The following UBAC1 variants were observed in gnomAD, a reference collection of about 807,000 sequenced individuals.
UBAC1 encodes the protein UBA domain containing 1.
UBAC1 carries 27 observed loss-of-function variants against 45.9 expected under a neutral mutation model. The ratio of observed to expected loss-of-function variants is 0.59; its 90% CI spans 0.43 to 0.81. The LOEUF (loss-of-function observed/expected upper bound fraction) is 0.81. UBAC1 is among the 30% of genes least tolerant of loss of function. The pLI is 0.00. For synonymous variants in UBAC1, 227 were observed against 215.5 expected, an observed-to-expected ratio of 1.05 and a Z score of -0.47; for missense variants, 529 against 539.2, an observed-to-expected ratio of 0.98 and a Z score of 0.19.
chr9:135,952,514 C>T (rs1213081515), intron 3 of UBAC1, among the ~76,000 whole-genome samples: 1 of 152,234 alleles, frequency 6.6e-6, no homozygotes, highest in Non-Finnish European at 1.5e-5. Context: ...AAAACATGAG[C>T]TTCTAGGGCA....
chr9:135,946,783 C>T (rs1389318328), intron 4 of UBAC1, among the ~76,000 whole-genome samples: 4 of 152,230 alleles, frequency 2.6e-5, no homozygotes, highest in South Asian at 2.1e-4. Flanking sequence ...ACAGCGTCTG[C>T]GGCGGCCATC....
intron 3 of UBAC1, among the ~76,000 whole-genome samples, chr9:135,951,747 T>C (rs1839407977): frequency 6.6e-6 from 1 of 152,012 alleles, no homozygotes; most frequent in African/African-American, 2.4e-5. Context: ...AAGGCGGAGG[T>C]TGCAGTGAGC....
At chr9:135,936,775 G>A (rs1460583882) in intron 9 of UBAC1, among the ~76,000 whole-genome samples, 1 of 152,114 alleles carries the variant, frequency 6.6e-6, no homozygotes, top group Non-Finnish European at 1.5e-5. Context: ...TTACAGGCGT[G>A]AGCCACCACG....
Position 135,946,055 on chromosome 9 carries a change from G to A in UBAC1, c.545-58C>T, listed in dbSNP as rs907692089. On this transcript the variant is annotated intron_variant, in intron 5 of 9. Transcript: ENST00000371756. ...AGCCTCAGGTTCAGGGGCCTTATCT[G>A]AGCACAAACATTTGCAGCAATTATC... The A allele has an allele frequency of 2.3e-5, 34 of 1,481,266 alleles. No individual in the cohort carries two copies. In the African/African-American group the frequency reaches 4.2e-4, roughly 18 times the overall value. 91.8% of individuals were successfully genotyped at this position (1,481,266 alleles called of 1,614,324 possible).
chr9:135,961,059 G>A lies in UBAC1; in HGVS notation c.104C>T (p.Ser35Leu). ...EWLEEATEDT[S>L]VEKLKERCLK... is the part of the protein sequence containing the mutation. ...GCAGCGCTCCTTGAGCTTCTCCACC[G>A]AGGTGTCCTCGGTGGCCTCCTCCAG... The change falls in exon 1 of 10, where the codon TCG becomes TTG. Residue 35 changes from serine (S) to leucine (L), a missense_variant. Physicochemically the swap from Ser to Leu is moderately radical, Grantham distance 145. Transcript: ENST00000371756. 1.9e-6 allele frequency: 3 copies of A among 1,580,270 alleles called. No homozygotes were observed. Among genetic ancestry groups the A allele is most frequent in the African/African-American group, 1.4e-5 (1 of 72,156 alleles).
chr9:135,957,860 C>T (rs1342249476), intron 1 of UBAC1, among the ~76,000 whole-genome samples: 1 of 150,738 alleles, frequency 6.6e-6, no homozygotes, highest in African/African-American at 2.4e-5. Flanking sequence ...TTGCAACCTC[C>T]GCTTCCCAGG....
intron 8 of UBAC1, among the ~76,000 whole-genome samples, chr9:135,939,017 G>C (rs765698401): frequency 2.8e-4 from 42 of 152,104 alleles, no homozygotes; most frequent in Admixed American, 2.6e-4. Flanking sequence ...AGATCAGCCT[G>C]GGCAACAAAG....
At position 135,946,310 on chromosome 9, in the gene UBAC1, G is replaced by C; in HGVS notation, c.503C>G (p.Ala168Gly). ...CAATTCCACTGCATCTGGGTTCAGCGCTAACAGCTTCTGCGCCACCTCGAT... is the reference window on the plus strand; with the variant it reads ...CAATTCCACTGCATCTGGGTTCAGCCCTAACAGCTTCTGCGCCACCTCGAT... The part of the protein sequence containing the change: ...SLIEVAQKLL[A>G]LNPDAVELFK... Residue 168 changes from alanine to glycine, a missense_variant, in exon 5 of 10, where the codon GCG becomes GGG. Coordinates refer to ENST00000371756, the MANE Select transcript of UBAC1 (RefSeq NM_016172.3). 1 of 1,613,874 alleles carries C rather than the reference G, an allele frequency of 6.2e-7. No homozygotes were observed. Among genetic ancestry groups the C allele is most frequent in the Non-Finnish European group, 8.5e-7 (1 of 1,179,780 alleles).
chr9:135,946,039 T>C (rs1839329930), intron 5 of UBAC1, 42 bp from the exon 6 acceptor site: 1 of 1,549,700 alleles, frequency 6.5e-7, no homozygotes, highest in African/African-American at 1.4e-5. Context: ...CAGCCTCAGG[T>C]TCAGGGGCCT....
At chr9:135,955,226 C>T (rs966679400) in intron 2 of UBAC1, 69 bp downstream of exon 2, 12 of 1,419,604 alleles carry the variant, frequency 8.5e-6, no homozygotes, top group Middle Eastern at 2.2e-4. Context: ...GGACCACCCC[C>T]TCCTGGCTCC....
intron 1 of UBAC1, among the ~76,000 whole-genome samples, chr9:135,960,396 C>T (rs1163171557): frequency 6.6e-6 from 1 of 152,178 alleles, no homozygotes; most frequent in Non-Finnish European, 1.5e-5. Flanking sequence ...TTTACCTCTG[C>T]AGAAAAGCAG....
chr9:135,944,527 G>C (rs543711746), intron 7 of UBAC1, among the ~76,000 whole-genome samples: 1 of 152,204 alleles, frequency 6.6e-6, no homozygotes. Flanking sequence ...CGCGGGCGAG[G>C]AAGGTCCACA....
chr9:135,945,812 C>T (rs1839324434), intron 6 of UBAC1, 77 bp downstream of exon 6: 7 of 1,157,620 alleles, frequency 6.0e-6, no homozygotes, highest in South Asian at 3.8e-5. Flanking sequence ...GGTAGGAGGA[C>T]GTCACCCACG....
chr9:135,939,654 A>G lies in UBAC1; in HGVS notation c.963+19T>C, dbSNP rs758622794. On this transcript the variant is annotated intron_variant, in intron 8 of 9. Coordinates refer to ENST00000371756, the MANE Select transcript of UBAC1 (RefSeq NM_016172.3). ...CACTCACCACAGCCCACACTCACTCACCACAGCCCAACACTCACCGCGGCA... is the reference window on the plus strand; with the variant it reads ...CACTCACCACAGCCCACACTCACTCGCCACAGCCCAACACTCACCGCGGCA... 7.7e-5 allele frequency: 124 copies of G among 1,607,812 alleles called. No individual in the cohort carries two copies. In the Admixed American group the frequency reaches 2.0e-3, roughly 26 times the overall value.
intron 4 of UBAC1, 79 bp from the exon 5 acceptor site, chr9:135,946,450 AGAAC>A: frequency 1.1e-6 from 1 of 912,056 alleles, no homozygotes; most frequent in South Asian, 1.3e-5. Flanking sequence ...CCCCTGTCCT[AGAAC>A]TCTTGATTCT....
chr9:135,940,191 G>A (rs868625588), intron 7 of UBAC1, among the ~76,000 whole-genome samples: 1 of 152,092 alleles, frequency 6.6e-6, no homozygotes, highest in African/African-American at 2.4e-5. Flanking sequence ...GTGGCATTAG[G>A]GAAAGGCCAC....
chr9:135,944,566 G>A (rs1000408670), intron 7 of UBAC1, among the ~76,000 whole-genome samples: 17 of 152,240 alleles, frequency 1.1e-4, no homozygotes, highest in African/African-American at 3.9e-4. Context: ...CTTCAGCCCT[G>A]CAGACTGTGC....
rs913947007 is a variant in UBAC1 at position 135,933,083 on chromosome 9, C to G, written c.*317G>C. 1.1e-5 allele frequency: 3 copies of G among 272,054 alleles called. No homozygotes were observed. Among genetic ancestry groups the G allele is most frequent in the Non-Finnish European group, 2.1e-5 (3 of 143,964 alleles). The allele number at this position is 272,054 out of a possible 1,614,324, so 16.9% of individuals were successfully genotyped here. On this transcript the variant is annotated 3_prime_UTR_variant, in exon 10 of 10. Coordinates refer to ENST00000371756, the MANE Select transcript of UBAC1 (RefSeq NM_016172.3). Reference sequence around the variant, plus strand: ...TCCGTCAAATAACAAGTGGACTCTCCAAGCAAATGTCTACACGGCAATTCA... The same window carrying G: ...TCCGTCAAATAACAAGTGGACTCTCGAAGCAAATGTCTACACGGCAATTCA...
chr9:135,942,993 G>A (rs1451719249), intron 7 of UBAC1, among the ~76,000 whole-genome samples: 4 of 152,194 alleles, frequency 2.6e-5, no homozygotes, highest in Non-Finnish European at 5.9e-5. Context: ...ACAACCTACA[G>A]AAGGGAACGT....
Sources: gnomAD v4.1 joint callset for allele counts (sites outside exome capture counted in the v4.1 genomes callset) on GRCh38, gnomAD v4.1.1 for gene constraint, MANE v1.5 for transcripts, NCBI Gene and HGNC (gene_info 2026-07-23, HGNC 2026-07-21) for gene names.